Variants in TRPC5 observed in about 807,000 individuals in gnomAD.
The protein encoded by TRPC5 is short transient receptor potential channel 5.
TRPC5 carries 9 observed loss-of-function variants against 56.5 expected under a neutral mutation model. The ratio of observed to expected loss-of-function variants is 0.16; its 90% CI spans 0.10 to 0.28. The LOEUF (loss-of-function observed/expected upper bound fraction) is 0.28, where lower values mean the gene tolerates loss of function less well. Among genes scored for constraint, TRPC5 ranks in the 10% least tolerant of loss-of-function variants. The probability of loss-of-function intolerance (pLI) is 1.00; values close to 1 mark genes in which losing one functional copy is unlikely to be tolerated. For missense variants in TRPC5, 469 were observed against 748.9 expected (o/e 0.63, Z 4.36); for synonymous variants, 282 against 278.5 (o/e 1.01, Z -0.13).
intron 7 of TRPC5, among the ~76,000 whole-genome samples, chrX:111,784,291 A>C (rs2148550810): frequency 8.9e-6 from 1 of 112,678 alleles, no homozygotes; most frequent in East Asian, 2.8e-4. Flanking sequence ...GAAAATAGGT[A>C]AATTTGACTT....
rs1182805564 is a variant in TRPC5, at chrX:111,770,102, A to G, written c.*6211T>C. Among the ~76,000 whole-genome samples the G allele has an allele frequency of 8.9e-6, 1 of 111,807 alleles. No individual in the cohort carries two copies. The highest frequency in any genetic ancestry group is 1.9e-5 in the Non-Finnish European group (1 of 53,098). On this transcript the variant is annotated 3_prime_UTR_variant, in exon 11 of 11. Transcript: ENST00000262839. ...TTATGAAAATATCAGTCATTATCCTATTTTATGTTTATTCCAAATTTATGA... is the reference window on the plus strand; with the variant it reads ...TTATGAAAATATCAGTCATTATCCTGTTTTATGTTTATTCCAAATTTATGA...
At chrX:111,919,876 C>T (rs1400442107) in intron 2 of TRPC5, among the ~76,000 whole-genome samples, 2 of 112,528 alleles carry the variant, frequency 1.8e-5, no homozygotes, top group Non-Finnish European at 3.7e-5. Context: ...ACATTCAAAG[C>T]TGTCTTGGGC....
At chrX:112,057,238 A>G (rs191743874) in intron 1 of TRPC5, among the ~76,000 whole-genome samples, 2 of 111,815 alleles carry the variant, frequency 1.8e-5, no homozygotes, top group East Asian at 5.7e-4. Context: ...GCAGATAGGC[A>G]AATCAAGTAA....
At chrX:111,824,395 G>C (rs947373149) in intron 7 of TRPC5, among the ~76,000 whole-genome samples, 4 of 110,146 alleles carry the variant, frequency 3.6e-5, no homozygotes, top group Non-Finnish European at 7.5e-5. Flanking sequence ...TAGTGTTTGG[G>C]ACATAAATGC....
At chrX:111,807,483 G>GA (rs1054829560) in intron 7 of TRPC5, among the ~76,000 whole-genome samples, 1 of 112,107 alleles carries the variant, frequency 8.9e-6, no homozygotes, top group African/African-American at 3.2e-5. Flanking sequence ...GTGTTATCTT[G>GA]AATTTTGTTG....
At chrX:111,788,684 TCTC>T (rs1350905967) in intron 7 of TRPC5, among the ~76,000 whole-genome samples, 1 of 111,497 alleles carries the variant, frequency 9.0e-6, no homozygotes, top group African/African-American at 3.3e-5. Flanking sequence ...CAGCCCAAAA[TCTC>T]CTTAAGCTGA....
intron 3 of TRPC5, among the ~76,000 whole-genome samples, chrX:111,890,636 C>T (rs1352869763): frequency 1.8e-5 from 2 of 111,640 alleles, no homozygotes; most frequent in Non-Finnish European, 3.8e-5. Context: ...TGGAGGTTCC[C>T]AGAGCATCAT....
intron 1 of TRPC5, among the ~76,000 whole-genome samples, chrX:112,018,467 C>T (rs187990893): frequency 0.013 from 1,402 of 111,761 alleles, 13 homozygotes; most frequent in Non-Finnish European, 0.018. Flanking sequence ...GCTGTGGCTA[C>T]GTCATGTAAT....
intron 1 of TRPC5, among the ~76,000 whole-genome samples, chrX:112,027,357 A>G (rs1929441020): frequency 8.9e-6 from 1 of 112,239 alleles, no homozygotes; most frequent in East Asian, 2.8e-4. Context: ...TTCAAAATAC[A>G]TGGGCCAAAG....
chrX:111,932,556 C>T (rs1485631248), intron 2 of TRPC5, among the ~76,000 whole-genome samples: 1 of 110,811 alleles, frequency 9.0e-6, no homozygotes, highest in African/African-American at 3.3e-5. Context: ...AACTAGACCC[C>T]TGGGTAATCA....
intron 7 of TRPC5, among the ~76,000 whole-genome samples, chrX:111,785,207 A>G (rs917667190): frequency 1.8e-5 from 2 of 111,952 alleles, no homozygotes; most frequent in Admixed American, 9.4e-5. Context: ...ATTAGGCAGT[A>G]ATATTTGCTG....
chrX:111,893,079 GTT>G (rs79584045), intron 3 of TRPC5, among the ~76,000 whole-genome samples: 6 of 88,156 alleles, frequency 6.8e-5, no homozygotes, highest in Admixed American at 1.3e-4. Context: ...CAAATATAGG[GTT>G]TTTTTTTTTT....
chrX:111,877,924 G>A (rs1305130345), intron 3 of TRPC5, among the ~76,000 whole-genome samples: 1 of 111,454 alleles, frequency 9.0e-6, no homozygotes, highest in Non-Finnish European at 1.9e-5. Context: ...GAGGGTTGAT[G>A]TAGATTAATA....
chrX:111,976,336 T>C (rs970175927), intron 1 of TRPC5, among the ~76,000 whole-genome samples: 3 of 110,745 alleles, frequency 2.7e-5, no homozygotes, highest in Non-Finnish European at 5.7e-5. Context: ...CATGGGAGAA[T>C]CACTTCAGCC....
intron 1 of TRPC5, among the ~76,000 whole-genome samples, chrX:112,022,254 G>T (rs200735848): frequency 8.9e-6 from 1 of 112,470 alleles, no homozygotes; most frequent in East Asian, 2.8e-4. Flanking sequence ...GAATAGGAAT[G>T]CTTTTCTAAA....
intron 7 of TRPC5, among the ~76,000 whole-genome samples, chrX:111,816,892 G>A (rs1921875161): frequency 9.0e-6 from 1 of 111,617 alleles, no homozygotes; most frequent in African/African-American, 3.3e-5. Flanking sequence ...GCAACATAGA[G>A]GCCTCTGGGT....
At chrX:111,849,877 T>A (rs1923035868) in intron 5 of TRPC5, among the ~76,000 whole-genome samples, 1 of 112,060 alleles carries the variant, frequency 8.9e-6, no homozygotes, top group African/African-American at 3.2e-5. Flanking sequence ...TAAATTCAGA[T>A]CTCCTGACTC....
intron 1 of TRPC5, among the ~76,000 whole-genome samples, chrX:112,003,652 C>A (rs929257812): frequency 1.5e-4 from 17 of 111,088 alleles, no homozygotes; most frequent in African/African-American, 5.2e-4. Flanking sequence ...TACTGCCCCC[C>A]TTGGTATTTA....
intron 3 of TRPC5, among the ~76,000 whole-genome samples, chrX:111,860,995 TTG>T (rs201506762): frequency 0.098 from 10,954 of 111,661 alleles, 1,242 homozygotes; most frequent in African/African-American, 0.33. Context: ...GTTTTTCTGT[TTG>T]TTTGTTTTGT....
Sources: allele counts gnomAD v4.1 joint callset (sites outside exome capture counted in the v4.1 genomes callset), GRCh38; gene constraint gnomAD v4.1.1; transcripts MANE v1.5; gene names NCBI Gene and HGNC (gene_info 2026-07-23, HGNC 2026-07-21).